SGCZ: variants seen among roughly 807,000 people sequenced by gnomAD.
SGCZ encodes the protein zeta-sarcoglycan.
SGCZ carries 40 observed loss-of-function variants against 41.3 expected under a neutral mutation model. The observed-to-expected ratio is 0.97, with a 90% CI of 0.75 to 1.26. The LOEUF (loss-of-function observed/expected upper bound fraction) is 1.26. Among genes scored for constraint, SGCZ ranks in the 50% most tolerant of loss-of-function variants. The probability of loss-of-function intolerance (pLI) is 0.00; values close to 1 mark genes in which losing one functional copy is unlikely to be tolerated. For missense variants in SGCZ, 552 were observed against 369.8 expected (o/e 1.49, Z -4.04); for synonymous variants, 206 against 137.5 (o/e 1.50, Z -3.49).
intron 1 of SGCZ, among the ~76,000 whole-genome samples, chr8:14,810,814 G>A (rs995047322): frequency 6.6e-6 from 1 of 151,944 alleles, no homozygotes; most frequent in East Asian, 1.9e-4. Flanking sequence ...TATTTGAAGA[G>A]ACTCTTATTA....
chr8:15,140,945 G>A (rs1457057744), intron 1 of SGCZ, among the ~76,000 whole-genome samples: 1 of 152,204 alleles, frequency 6.6e-6, no homozygotes, highest in Non-Finnish European at 1.5e-5. Context: ...TACATTTAAT[G>A]AGGAACTATT....
intron 2 of SGCZ, among the ~76,000 whole-genome samples, chr8:14,503,243 C>A (rs1802205554): frequency 6.6e-6 from 1 of 151,848 alleles, no homozygotes; most frequent in Non-Finnish European, 1.5e-5. Flanking sequence ...GGGAGCTGAA[C>A]AATGAGAACA....
chr8:15,110,126 CGTTA>C (rs771388552), intron 1 of SGCZ, among the ~76,000 whole-genome samples: 1 of 151,978 alleles, frequency 6.6e-6, no homozygotes, highest in African/African-American at 2.4e-5. Flanking sequence ...GCCAATGGCA[CGTTA>C]GTGAGAATAT....
intron 5 of SGCZ, among the ~76,000 whole-genome samples, chr8:14,154,090 G>A (rs1052992518): frequency 6.6e-6 from 1 of 152,072 alleles, no homozygotes; most frequent in African/African-American, 2.4e-5. Context: ...TAAATTTCTG[G>A]CCGGGCCCGG....
rs569319843 is a variant in SGCZ at position 14,584,388 on chromosome 8, T to C, written c.40-29462A>G. ...TGATGTGGATTTGGGTTAGAGATCTTGGAGGGCTTACATTCTAGGCTAAGA... is the reference window on the plus strand; with the variant it reads ...TGATGTGGATTTGGGTTAGAGATCTCGGAGGGCTTACATTCTAGGCTAAGA... On this transcript the variant is annotated intron_variant, in intron 1 of 7. Transcript: ENST00000382080. Among the ~76,000 whole-genome samples the C allele has an allele frequency of 7.2e-5, 11 of 152,222 alleles. No homozygotes were observed. The East Asian group carries it at 1.9e-3, about 27-fold the overall frequency.
At chr8:14,098,955 G>A (rs1801928350) in intron 7 of SGCZ, among the ~76,000 whole-genome samples, 2 of 152,146 alleles carry the variant, frequency 1.3e-5, no homozygotes, top group Admixed American at 6.6e-5. Flanking sequence ...GCTTTAGATT[G>A]TATTCGGCTA....
intron 5 of SGCZ, among the ~76,000 whole-genome samples, chr8:14,109,315 AT>A (rs1802304976): frequency 6.6e-6 from 1 of 152,132 alleles, no homozygotes; most frequent in South Asian, 2.1e-4. Flanking sequence ...CTTTTTCATA[AT>A]TTAACTGAGC....
At chr8:14,764,692 G>A (rs746580978) in intron 1 of SGCZ, among the ~76,000 whole-genome samples, 13 of 152,124 alleles carry the variant, frequency 8.5e-5, no homozygotes, top group Non-Finnish European at 1.3e-4. Flanking sequence ...ACAAATAAAT[G>A]AAATTCTTGT....
chr8:15,017,345 C>G (rs1482577765), intron 1 of SGCZ, among the ~76,000 whole-genome samples: 1 of 152,154 alleles, frequency 6.6e-6, no homozygotes, highest in Non-Finnish European at 1.5e-5. Flanking sequence ...CTGCTATGCT[C>G]CCATTCACTG....
chr8:14,552,141 A>G (rs538597225), intron 2 of SGCZ, among the ~76,000 whole-genome samples: 1 of 152,024 alleles, frequency 6.6e-6, no homozygotes, highest in Non-Finnish European at 1.5e-5. Flanking sequence ...TTCTCTGTAG[A>G]TATGAAAAGG....
intron 1 of SGCZ, among the ~76,000 whole-genome samples, chr8:14,811,266 CT>C (rs1257177831): frequency 2.0e-5 from 3 of 151,870 alleles, no homozygotes; most frequent in Non-Finnish European, 2.9e-5. Flanking sequence ...TGAACTGAAA[CT>C]TACAATAAAA....
At chr8:14,563,339 T>G (rs10503500) in intron 1 of SGCZ, among the ~76,000 whole-genome samples, 16,218 of 152,234 alleles carry the variant, frequency 0.11, 1,147 homozygotes, top group East Asian at 0.3. Context: ...GAGAATATTA[T>G]GAGATATGGC....
At chr8:14,786,726 G>A (rs1046808142) in intron 1 of SGCZ, among the ~76,000 whole-genome samples, 2 of 151,700 alleles carry the variant, frequency 1.3e-5, no homozygotes, top group Admixed American at 6.6e-5. Flanking sequence ...AATATCTAAA[G>A]GGAATCATGA....
At chr8:14,324,462 G>A (rs947359587) in intron 2 of SGCZ, among the ~76,000 whole-genome samples, 50 of 152,076 alleles carry the variant, frequency 3.3e-4, no homozygotes, top group Non-Finnish European at 5.6e-4. Context: ...ATTTGCCCAC[G>A]AATAAATCCT....
intron 5 of SGCZ, among the ~76,000 whole-genome samples, chr8:14,142,379 A>G (rs1343545866): frequency 6.6e-6 from 1 of 152,170 alleles, no homozygotes; most frequent in African/African-American, 2.4e-5. Flanking sequence ...TAAGAACAAA[A>G]TTCTAACAGG....
intron 3 of SGCZ, among the ~76,000 whole-genome samples, chr8:14,258,364 G>T (rs1015764218): frequency 6.6e-6 from 1 of 152,028 alleles, no homozygotes; most frequent in Non-Finnish European, 1.5e-5. Context: ...CACATGCCCT[G>T]TACTTCCCTG....
chr8:14,305,761 A>C (rs1801330177), intron 3 of SGCZ, among the ~76,000 whole-genome samples: 1 of 152,176 alleles, frequency 6.6e-6, no homozygotes, highest in African/African-American at 2.4e-5. Context: ...AGTTGAATCA[A>C]TTTCTTATCA....
intron 2 of SGCZ, among the ~76,000 whole-genome samples, chr8:14,358,803 G>A (rs1170004998): frequency 1.3e-5 from 2 of 151,986 alleles, no homozygotes; most frequent in African/African-American, 2.4e-5. Flanking sequence ...TAGAGATGGG[G>A]TTTCACCATC....
intron 4 of SGCZ, among the ~76,000 whole-genome samples, chr8:14,234,522 T>G (rs942469349): frequency 4.7e-4 from 71 of 152,086 alleles, no homozygotes; most frequent in Non-Finnish European, 7.7e-4. Flanking sequence ...TGCATTCTAT[T>G]GGTAGACAAT....
Sources: allele counts gnomAD v4.1 joint callset (sites outside exome capture counted in the v4.1 genomes callset), GRCh38; gene constraint gnomAD v4.1.1; transcripts MANE v1.5; gene names NCBI Gene and HGNC (gene_info 2026-07-23, HGNC 2026-07-21).